NFIX: variants seen among roughly 807,000 people sequenced by gnomAD.
The protein encoded by NFIX is nuclear factor 1 X-type.
A neutral mutation model predicts 53.3 loss-of-function variants in NFIX; 2 were observed. The observed-to-expected ratio is 0.04, with a 90% confidence interval of 0.02 to 0.12. The LOEUF is 0.12. NFIX is among the 10% of genes least tolerant of loss of function. The pLI is 1.00. For missense variants in NFIX, 310 were observed against 674.5 expected (o/e 0.46, Z 5.99); for synonymous variants, 244 against 289.0 (o/e 0.84, Z 1.58).
intron 2 of NFIX, among the ~76,000 whole-genome samples, chr19:13,056,316 G>A (rs996128597): frequency 6.6e-6 from 1 of 152,168 alleles, no homozygotes; most frequent in Non-Finnish European, 1.5e-5. Context: ...CTCTGGACCC[G>A]ACCGTTTGAT....
At position 13,001,916 on chromosome 19, in the gene NFIX, T is replaced by C. The variant is rs961345867; in HGVS notation, c.27+6052T>C. 6.6e-6 allele frequency among the ~76,000 whole-genome samples: 1 copy of C among 152,204 alleles called. No homozygotes were observed. The highest frequency in any genetic ancestry group is 2.4e-5 in the African/African-American group (1 of 41,450). ...CCCCGCCCGTGCCCCTGGCCTGGCG[T>C]GGACAGAAGCCCGTTGTGCGGCAGC... On this transcript the variant is annotated intron_variant, in intron 1 of 10. Coordinates refer to ENST00000592199, the MANE Select transcript of NFIX (RefSeq NM_001365902.3). The surrounding 1 kb of genome is among the most constrained non-coding windows in gnomAD (Gnocchi z 6.5).
intron 1 of NFIX, among the ~76,000 whole-genome samples, chr19:13,008,535 G>A (rs1236457777): frequency 9.2e-5 from 14 of 152,158 alleles, no homozygotes; most frequent in Admixed American, 3.9e-4. Context: ...CAATCTTCCC[G>A]TCTCTGTGAT....
rs181868373 is a variant in NFIX at position 13,081,383 on chromosome 19, A to T, written c.1079-297A>T. On this transcript the variant is annotated intron_variant, in intron 7 of 10. Transcript: ENST00000592199. This position sits in a 1 kb window ranked among gnomAD's most constrained non-coding sequence, Gnocchi z 4.7. ...TACCCTGCCTCATCTGCCTCATCCT[A>T]ATCTCCCAGCGCTGGTTGTGATCAA... is the stretch of plus-strand genomic sequence containing the variant. Among the ~76,000 whole-genome samples, 426 of 152,242 alleles carry T rather than the reference A, an allele frequency of 2.8e-3. 2 individuals carry two copies. Among genetic ancestry groups the T allele is most frequent in the Non-Finnish European group, 4.4e-3 (302 of 68,026 alleles).
chr19:13,082,587 C>T (rs1297567954), intron 8 of NFIX: 1 of 152,214 alleles, frequency 6.6e-6, no homozygotes, highest in African/African-American at 2.4e-5. Flanking sequence ...CACACTGGCT[C>T]CCCCCAGAGC....
chr19:13,046,072 G>C (rs1024192326), intron 2 of NFIX, among the ~76,000 whole-genome samples: 5 of 152,238 alleles, frequency 3.3e-5, no homozygotes, highest in Admixed American at 6.5e-5. Context: ...GGCCTGGCAA[G>C]TAAACCTGGA....
In NFIX at chr19:13,073,865, C is replaced by T. The variant is rs768367626; in HGVS notation, c.698-41C>T. On this transcript the variant is annotated intron_variant, in intron 4 of 10. Coordinates refer to ENST00000592199, the MANE Select transcript of NFIX (RefSeq NM_001365902.3). The surrounding 1 kb of genome is among the most constrained non-coding windows in gnomAD (Gnocchi z 4.5). ...CAAAGAAACAGACCCCATCAGGCCTCCCCCCACCTCCAAACCTCATCACCC... is the reference window on the plus strand; with the variant it reads ...CAAAGAAACAGACCCCATCAGGCCTTCCCCCACCTCCAAACCTCATCACCC... 66 of 1,612,978 alleles carry T rather than the reference C, an allele frequency of 4.1e-5. No homozygotes were observed. The highest frequency in any genetic ancestry group is 5.2e-5 in the Non-Finnish European group (61 of 1,179,398).
rs377622313 is a variant in NFIX, at chr19:13,078,754, C to G, written c.1078+19C>G. The G allele has an allele frequency of 6.3e-7, 1 of 1,585,178 alleles. No homozygotes were observed. The highest frequency in any genetic ancestry group is 1.8e-5 in the Admixed American group (1 of 56,940). On this transcript the variant is annotated intron_variant, in intron 7 of 10. Transcript: ENST00000592199. The surrounding 1 kb of genome is among the most constrained non-coding windows in gnomAD (Gnocchi z 4.7). ...AGACCAGGTGAGAAATGGGGGGCCC[C>G]GGAGGGGGGCAGTTGGGGAGGTGGC...
At chr19:13,026,012 C>T (rs766574798) in intron 2 of NFIX, among the ~76,000 whole-genome samples, 2 of 152,106 alleles carry the variant, frequency 1.3e-5, no homozygotes, top group Admixed American at 6.5e-5. Context: ...GGGTTTGGTA[C>T]AAGCGGGATG....
intron 2 of NFIX, among the ~76,000 whole-genome samples, chr19:13,035,869 C>T (rs1352181680): frequency 2.6e-5 from 4 of 152,216 alleles, no homozygotes; most frequent in Admixed American, 2.0e-4. Flanking sequence ...TCTTCCCACC[C>T]GCTGCCTTTT....
In NFIX at chr19:13,002,935, C is replaced by T. The variant is rs1599704044; in HGVS notation, c.27+7071C>T. On this transcript the variant is annotated intron_variant, in intron 1 of 10. Coordinates refer to ENST00000592199, the MANE Select transcript of NFIX (RefSeq NM_001365902.3). The surrounding 1 kb of genome is among the most constrained non-coding windows in gnomAD (Gnocchi z 6.1). ...CGGGCAAGAGCGGGGATCTGTCTGT[C>T]CCCACCTGAATCTGTGTGAGCCAAG... 1.3e-5 allele frequency among the ~76,000 whole-genome samples: 2 copies of T among 152,266 alleles called. No individual in the cohort carries two copies. The highest frequency in any genetic ancestry group is 3.9e-4 in the East Asian group (2 of 5,164).
At position 13,090,204 on chromosome 19, in the gene NFIX, TCA is replaced by T; in HGVS notation, c.1403-94_1403-93del. On this transcript the variant is annotated intron_variant, in intron 9 of 10. Coordinates refer to ENST00000592199, the MANE Select transcript of NFIX (RefSeq NM_001365902.3). This position sits in a 1 kb window ranked among gnomAD's most constrained non-coding sequence, Gnocchi z 6.6. The stretch of plus-strand genomic sequence containing the variant: ...CTAAACTCGGGCAGCATGGTCTAAC[TCA>T]GTCTCTCCCTCTCTCAGCAGCCCCG... The T allele has an allele frequency of 8.5e-7, 1 of 1,175,742 alleles. No individual in the cohort carries two copies. Among genetic ancestry groups the T allele is most frequent in the Admixed American group, 1.7e-5 (1 of 58,842 alleles). The allele number at this position is 1,175,742 out of a possible 1,614,324, so 72.8% of individuals were successfully genotyped here.
chr19:13,078,804 G>A lies in NFIX; in HGVS notation c.1078+69G>A. On this transcript the variant is annotated intron_variant, in intron 7 of 10. Coordinates refer to ENST00000592199, the MANE Select transcript of NFIX (RefSeq NM_001365902.3). The surrounding 1 kb of genome is among the most constrained non-coding windows in gnomAD (Gnocchi z 4.7). ...CTGAGTATCTAGGGGCAGCTGGCCA[G>A]GTGAAGGGGCCAGAGCTGACCCCGA... 6.6e-7 allele frequency: 1 copy of A among 1,503,800 alleles called. No individual in the cohort carries two copies. Among genetic ancestry groups the A allele is most frequent in the African/African-American group, 1.7e-5 (1 of 57,618 alleles). 93.2% of individuals were successfully genotyped at this position (1,503,800 alleles called of 1,614,324 possible). A position where few individuals can be genotyped will look rare whatever the true frequency, so the allele number is the denominator to read the frequency against.
intron 2 of NFIX, among the ~76,000 whole-genome samples, chr19:13,029,433 T>G (rs2013624965): frequency 6.6e-6 from 1 of 152,220 alleles, no homozygotes; most frequent in Non-Finnish European, 1.5e-5. Context: ...ATGGGGTCAG[T>G]CCTGCATTGC....
intron 2 of NFIX, among the ~76,000 whole-genome samples, chr19:13,061,996 GCT>G (rs1393104716): frequency 1.3e-5 from 2 of 152,064 alleles, no homozygotes; most frequent in Non-Finnish European, 2.9e-5. Context: ...CCCTGCCCAG[GCT>G]CTTAGGGCTC....
In NFIX at chr19:13,081,723, G is replaced by T; in HGVS notation, c.1122G>T (p.Thr374=). 6.2e-7 allele frequency: 1 copy of T among 1,613,680 alleles called. No individual in the cohort carries two copies. Among genetic ancestry groups the T allele is most frequent in the Non-Finnish European group, 8.5e-7 (1 of 1,179,826 alleles). ...CATCAGCCCTGCACTTCCCCTCCAC[G>T]TCCATCATCCAGCAGTCGAGCCCGT... ...ATASALHFPS[T]SIIQQSSPYF... Residue 374 remains threonine, a synonymous_variant, in exon 8 of 11, where the codon ACG becomes ACT. Transcript: ENST00000592199. This position sits in a 1 kb window ranked among gnomAD's most constrained non-coding sequence, Gnocchi z 4.7.
chr19:13,004,942 G>C (rs1204559258), intron 1 of NFIX, among the ~76,000 whole-genome samples: 1 of 151,784 alleles, frequency 6.6e-6, no homozygotes. Context: ...TCAGCCTCCC[G>C]AGTAGCTGGG....
At position 13,001,217 on chromosome 19, in the gene NFIX, T is replaced by C. The variant is rs967706817; in HGVS notation, c.27+5353T>C. ...CTGGGTTCTCCCAGATCGGTGTGCA[T>C]GTTAATCGGCATGTCAGGCCTCAGA... On this transcript the variant is annotated intron_variant, in intron 1 of 10. Transcript: ENST00000592199. This position sits in a 1 kb window ranked among gnomAD's most constrained non-coding sequence, Gnocchi z 6.5. Among the ~76,000 whole-genome samples the C allele has an allele frequency of 6.6e-6, 1 of 152,092 alleles. No individual in the cohort carries two copies. Among genetic ancestry groups the C allele is most frequent in the Non-Finnish European group, 1.5e-5 (1 of 68,026 alleles).
chr19:13,030,628 TGGCTCCTA>T (rs138151095), intron 2 of NFIX, among the ~76,000 whole-genome samples: 3,361 of 152,252 alleles, frequency 0.022, 117 homozygotes, highest in African/African-American at 0.076. Flanking sequence ...ACATTTCACA[TGGCTCCTA>T]GTGCCCTTGC....
chr19:13,074,049 T>C (rs1345082949), intron 5 of NFIX, 23 bp downstream of exon 5: 7 of 1,613,224 alleles, frequency 4.3e-6, no homozygotes, highest in South Asian at 1.1e-5. Flanking sequence ...GCCCTGCCTT[T>C]CCATCTTCTC....
Sources: allele counts gnomAD v4.1 joint callset (sites outside exome capture counted in the v4.1 genomes callset), GRCh38; gene constraint gnomAD v4.1.1; non-coding constraint Gnocchi (gnomAD v3.1); transcripts MANE v1.5; gene names NCBI Gene and HGNC (gene_info 2026-07-23, HGNC 2026-07-21).